The following RNF144A variants were observed in gnomAD, a reference collection of about 807,000 sequenced individuals.
RNF144A encodes the protein ring finger protein 144A.
Under a neutral mutation model 38.7 loss-of-function variants are expected in RNF144A, and 11 were observed. The ratio of observed to expected loss-of-function variants is 0.28; its 90% CI spans 0.18 to 0.47. The LOEUF (loss-of-function observed/expected upper bound fraction) is 0.47, where lower values mean the gene tolerates loss of function less well. Among genes scored for constraint, RNF144A ranks in the 20% least tolerant of loss-of-function variants. The probability of loss-of-function intolerance (pLI) is 0.99; values close to 1 mark genes in which losing one functional copy is unlikely to be tolerated. For missense variants in RNF144A, 316 were observed against 377.2 expected (o/e 0.84, Z 1.34); for synonymous variants, 149 against 143.9 (o/e 1.04, Z -0.25).
chr2:7,038,864 G>A (rs941289484), intron 8 of RNF144A, among the ~76,000 whole-genome samples: 3 of 151,866 alleles, frequency 2.0e-5, no homozygotes, highest in African/African-American at 4.8e-5. Flanking sequence ...GTGGGTGAAT[G>A]GGTGGATGGA....
intron 2 of RNF144A, among the ~76,000 whole-genome samples, chr2:6,951,945 T>C (rs1666707693): frequency 6.6e-6 from 1 of 152,178 alleles, no homozygotes; most frequent in Admixed American, 6.5e-5. Context: ...AGGTACAATA[T>C]TGAATTGAAG....
rs971871134 is a variant in RNF144A at position 7,024,436 on chromosome 2, G to A, written c.577G>A (p.Glu193Lys). The A allele has an allele frequency of 3.1e-6, 5 of 1,613,098 alleles. No homozygotes were observed. The highest frequency in any genetic ancestry group is 4.2e-6 in the Non-Finnish European group (5 of 1,179,152). The change falls in exon 7 of 9, where the codon GAG (glutamate) becomes AAG (lysine). Residue 193 changes from glutamate (E) to lysine (K), a missense_variant. Transcript: ENST00000320892. ...KRCPKCKVYI[E>K]RDEGCAQMMC... ...CTGCCCCAAGTGCAAAGTCTACATC[G>A]AGCGAGACGAAGGCTGCGCGCAGAT... is the stretch of plus-strand genomic sequence containing the variant.
At chr2:6,977,336 G>A (rs1020933998) in intron 2 of RNF144A, among the ~76,000 whole-genome samples, 13 of 152,366 alleles carry the variant, frequency 8.5e-5, no homozygotes, top group African/African-American at 4.8e-5. Context: ...GGAAAGTTGC[G>A]TATGCCTTTT....
At chr2:7,049,429 A>G (rs1235864028) in intron 6 of RNF144A, among the ~76,000 whole-genome samples, 1 of 152,222 alleles carries the variant, frequency 6.6e-6, no homozygotes, top group African/African-American at 2.4e-5. Flanking sequence ...AACATCATTC[A>G]CACTCAGGAG....
intron 6 of RNF144A, among the ~76,000 whole-genome samples, chr2:7,062,257 T>C (rs1248817599): frequency 1.3e-5 from 2 of 152,152 alleles, no homozygotes; most frequent in Non-Finnish European, 2.9e-5. Flanking sequence ...GAAAAATGCA[T>C]GGTCTCTTGA....
At chr2:7,010,565 TCTC>T (rs1670733136) in intron 3 of RNF144A, among the ~76,000 whole-genome samples, 2 of 152,206 alleles carry the variant, frequency 1.3e-5, no homozygotes, top group East Asian at 3.9e-4. Context: ...TGTGGCCACT[TCTC>T]CTTGGCAGGA....
intron 6 of RNF144A, among the ~76,000 whole-genome samples, chr2:7,059,491 A>G (rs900275486): frequency 1.3e-5 from 2 of 152,204 alleles, no homozygotes; most frequent in African/African-American, 4.8e-5. Context: ...AAGGGCATCT[A>G]TGCTCATGTT....
chr2:7,002,403 G>A (rs1670168229), intron 3 of RNF144A, among the ~76,000 whole-genome samples: 1 of 152,214 alleles, frequency 6.6e-6, no homozygotes, highest in Non-Finnish European at 1.5e-5. Context: ...TTGCAGTGTG[G>A]ATAGTGGGTT....
chr2:7,034,459 G>A (rs554629708), intron 8 of RNF144A, among the ~76,000 whole-genome samples: 8 of 152,282 alleles, frequency 5.3e-5, no homozygotes, highest in African/African-American at 1.2e-4. Flanking sequence ...AAATGAGTCC[G>A]TGTAAAGAGC....
At chr2:6,939,892 A>C (rs1665857462) in intron 1 of RNF144A, among the ~76,000 whole-genome samples, 1 of 152,076 alleles carries the variant, frequency 6.6e-6, no homozygotes, top group Non-Finnish European at 1.5e-5. Flanking sequence ...TTGGACTGTC[A>C]CTTCTAATCT....
chr2:6,967,725 C>T (rs1667758363), intron 2 of RNF144A, among the ~76,000 whole-genome samples: 1 of 152,212 alleles, frequency 6.6e-6, no homozygotes, highest in Non-Finnish European at 1.5e-5. Flanking sequence ...TCAAGAAACT[C>T]ACCTACTAAA....
At chr2:7,076,069 A>G in the RNF144A span, among the ~76,000 whole-genome samples, 1 of 152,190 alleles carries the variant, frequency 6.6e-6, no homozygotes, top group African/African-American at 2.4e-5. Flanking sequence ...TGCAAAATCA[A>G]TGCTGCATTG....
rs1434780098 is a variant in RNF144A at position 6,996,952 on chromosome 2, C to G, written c.26C>G (p.Thr9Ser). Residue 9 changes from threonine to serine, a missense_variant, in exon 3 of 9, where the codon ACC becomes AGC. Transcript: ENST00000320892. ...ATGACCACAACAAGGTACCGGCCCA[C>G]CTGGGACCTGGCCCTCGACCCGCTG... MTTTRYRP[T>S]WDLALDPLVS... The G allele has an allele frequency of 1.2e-6, 2 of 1,613,946 alleles. No homozygotes were observed. Among genetic ancestry groups the G allele is most frequent in the South Asian group, 1.1e-5 (1 of 91,070 alleles).
chr2:6,958,141 A>G lies in RNF144A; in HGVS notation c.-12+16994A>G, dbSNP rs1667123508. Among the ~76,000 whole-genome samples the G allele has an allele frequency of 6.6e-6, 1 of 152,242 alleles. No homozygotes were observed. The highest frequency in any genetic ancestry group is 1.5e-5 in the Non-Finnish European group (1 of 68,036). On this transcript the variant is annotated intron_variant, in intron 2 of 8. Coordinates refer to ENST00000320892, the MANE Select transcript of RNF144A (RefSeq NM_014746.6). The surrounding 1 kb of genome is among the most constrained non-coding windows in gnomAD (Gnocchi z 4.5). ...TGCAGCCAGGCTGTCATGCGCAGCCACCATGGGGCACCGGGCGTGCTGTCT... is the reference window on the plus strand; with the variant it reads ...TGCAGCCAGGCTGTCATGCGCAGCCGCCATGGGGCACCGGGCGTGCTGTCT...
intron 2 of RNF144A, among the ~76,000 whole-genome samples, chr2:6,969,233 C>A (rs1056200672): frequency 2.0e-5 from 3 of 152,196 alleles, no homozygotes; most frequent in African/African-American, 4.8e-5. Context: ...TCCTAACTCC[C>A]AGTACATCAG....
intron 7 of RNF144A, among the ~76,000 whole-genome samples, chr2:7,027,212 TC>T (rs1226510570): frequency 6.6e-6 from 1 of 152,172 alleles, no homozygotes; most frequent in African/African-American, 2.4e-5. Context: ...CTCCCCTGCT[TC>T]CCTCTCCTCA....
rs1673033344 is a variant in RNF144A, at chr2:7,041,387, G to A, written c.*1627G>A. On this transcript the variant is annotated 3_prime_UTR_variant, in exon 9 of 9. Transcript: ENST00000320892. ...CGTCACCTCACTCTTCACCTGTCAT[G>A]TTGATTTTCCTTATGAACCCGAAGC... 1 of 985,806 alleles carries A rather than the reference G, an allele frequency of 1.0e-6. No individual in the cohort carries two copies. Among genetic ancestry groups the A allele is most frequent in the South Asian group, 4.7e-5 (1 of 21,284 alleles). 61.1% of individuals were successfully genotyped at this position (985,806 alleles called of 1,614,324 possible).
chr2:6,976,014 C>T (rs1668290721), intron 2 of RNF144A, among the ~76,000 whole-genome samples: 1 of 152,176 alleles, frequency 6.6e-6, no homozygotes, highest in South Asian at 2.1e-4. Flanking sequence ...TTCCATTGTG[C>T]AGACCTTCCA....
In RNF144A at chr2:7,037,199, A is replaced by T. The variant is rs543077685; in HGVS notation, c.748-2430A>T. On this transcript the variant is annotated intron_variant, in intron 8 of 8. Transcript: ENST00000320892. ...CTCATTTTTTACTGCTGGCTGCGTA[A>T]CTGGCAGTACCTGCATCTGCCTGTC... is the stretch of plus-strand genomic sequence containing the variant. Among the ~76,000 whole-genome samples, 23 of 152,294 alleles carry T rather than the reference A, an allele frequency of 1.5e-4. No homozygotes were observed. In the East Asian group the frequency reaches 3.7e-3, roughly 24 times the overall value.
Sources: gnomAD v4.1 joint callset for allele counts (sites outside exome capture counted in the v4.1 genomes callset) on GRCh38, gnomAD v4.1.1 for gene constraint, Gnocchi (gnomAD v3.1) non-coding constraint, MANE v1.5 for transcripts, NCBI Gene and HGNC (gene_info 2026-07-23, HGNC 2026-07-21) for gene names.